The following MIA3 variants were observed in gnomAD, a reference collection of about 807,000 sequenced individuals.
The protein encoded by MIA3 is MIA SH3 domain ER export factor 3.
A neutral mutation model predicts 192.4 loss-of-function variants in MIA3; 90 were observed. The ratio of observed to expected loss-of-function variants is 0.47; its 90% CI spans 0.39 to 0.56. MIA3 has a LOEUF of 0.56. MIA3 is among the 20% of genes least tolerant of loss of function. The pLI, the probability that MIA3 is intolerant of heterozygous loss-of-function variation, is 0.00. For synonymous variants in MIA3, 740 were observed against 792.8 expected (o/e 0.93, Z 1.12); for missense variants, 2,123 against 2,269.4 (o/e 0.94, Z 1.31).
At chr1:222,662,972 G>A (rs1664099437) in intron 26 of MIA3, 1 of 154,020 alleles carries the variant, frequency 6.5e-6, no homozygotes, top group Admixed American at 6.4e-5. Flanking sequence ...TCCCAGCAGT[G>A]TCCTTAAACA....
At chr1:222,637,459 TC>T (rs1163356934) in intron 6 of MIA3, among the ~76,000 whole-genome samples, 1 of 152,206 alleles carries the variant, frequency 6.6e-6, no homozygotes, top group African/African-American at 2.4e-5. Flanking sequence ...AAACTTATGA[TC>T]AAGTATTCTT....
intron 9 of MIA3, 25 bp from the exon 10 acceptor site, chr1:222,650,609 A>G (rs762198258): frequency 6.8e-7 from 1 of 1,466,966 alleles, no homozygotes; most frequent in Non-Finnish European, 9.4e-7. Context: ...ATATTTCTGG[A>G]TTCTGAATGC....
intron 7 of MIA3, chr1:222,648,046 G>T: frequency 8.9e-6 from 2 of 224,948 alleles, no homozygotes; most frequent in East Asian, 1.1e-4. Flanking sequence ...ATATGTTCTG[G>T]GTTGCAAAGA....
intron 6 of MIA3, 82 bp downstream of exon 6, chr1:222,633,331 T>C: frequency 1.7e-6 from 2 of 1,171,172 alleles, no homozygotes; most frequent in Non-Finnish European, 2.4e-6. Context: ...GGTGAAGAAC[T>C]TAAAATGTCT....
At chr1:222,630,789 G>T (rs1192294662) in intron 4 of MIA3, among the ~76,000 whole-genome samples, 1 of 152,154 alleles carries the variant, frequency 6.6e-6, no homozygotes, top group African/African-American at 2.4e-5. Context: ...CAATGCCTTG[G>T]CTAAATTCCT....
intron 6 of MIA3, among the ~76,000 whole-genome samples, chr1:222,638,154 AT>A (rs1317610015): frequency 2.5e-4 from 38 of 152,226 alleles, no homozygotes; most frequent in African/African-American, 8.9e-4. Flanking sequence ...AGCAGAATAC[AT>A]ATTATATACT....
intron 26 of MIA3, chr1:222,663,048 T>C (rs749056655): frequency 2.0e-5 from 3 of 152,282 alleles, no homozygotes; most frequent in Non-Finnish European, 4.4e-5. Flanking sequence ...CCTCTGATCA[T>C]ACCTCACTGT....
At position 222,650,310 on chromosome 1, in the gene MIA3, C is replaced by A; in HGVS notation, c.3650C>A (p.Ser1217Tyr). The A allele has an allele frequency of 6.2e-7, 1 of 1,605,096 alleles. No homozygotes were observed. The highest frequency in any genetic ancestry group is 8.5e-7 in the Non-Finnish European group (1 of 1,173,390). ...RVYQVTEQQI[S>Y]EKLKTIMKEN... Reference sequence around the variant, plus strand: ...TTTTCAGTCACGGAACAGCAAATTTCTGAGAAGTTGAAGACTATCATGAAA... The same window carrying A: ...TTTTCAGTCACGGAACAGCAAATTTATGAGAAGTTGAAGACTATCATGAAA... The change falls in exon 9 of 28, where the codon TCT becomes TAT. Residue 1217 changes from serine (S) to tyrosine (Y), a missense_variant. This residue lies in a region of MIA3 where 762 missense variants were observed against 856.4 expected (regional missense o/e 0.89). Coordinates refer to ENST00000344922, the MANE Select transcript of MIA3 (RefSeq NM_198551.4).
At position 222,629,161 on chromosome 1, in the gene MIA3, G is replaced by A. The variant is rs371576289; in HGVS notation, c.1941G>A (p.Glu647=). 7.4e-6 allele frequency: 12 copies of A among 1,614,040 alleles called. No homozygotes were observed. The highest frequency in any genetic ancestry group is 8.5e-6 in the Non-Finnish European group (10 of 1,180,024). ...EIDLPRELED[E]VPILGRNLPW... ...ATTTGCCCAGAGAACTGGAAGACGAGGTTCCCATTCTGGGAAGAAATCTTC... is the reference window on the plus strand; with the variant it reads ...ATTTGCCCAGAGAACTGGAAGACGAAGTTCCCATTCTGGGAAGAAATCTTC... The change falls in exon 4 of 28, where the codon GAG becomes GAA. Residue 647 remains glutamate (E), a synonymous_variant. Coordinates refer to ENST00000344922, the MANE Select transcript of MIA3 (RefSeq NM_198551.4).
chr1:222,663,211 ATT>A (rs1664112946), intron 26 of MIA3, among the ~76,000 whole-genome samples: 1 of 152,196 alleles, frequency 6.6e-6, no homozygotes, highest in African/African-American at 2.4e-5. Context: ...TGTACATAAC[ATT>A]GTTTCTCTTG....
chr1:222,652,157 G>T (rs1663473766), intron 12 of MIA3, 71 bp from the exon 13 acceptor site: 2 of 1,422,724 alleles, frequency 1.4e-6, no homozygotes, highest in Non-Finnish European at 2.0e-6. Flanking sequence ...ACTACATGAT[G>T]TTGGGTTGGA....
intron 6 of MIA3, among the ~76,000 whole-genome samples, chr1:222,643,525 A>T (rs1322108484): frequency 1.3e-5 from 2 of 151,920 alleles, no homozygotes; most frequent in African/African-American, 2.4e-5. Context: ...TCGAAGAGAG[A>T]CCTTTAAAGG....
intron 1 of MIA3, 29 bp downstream of exon 1, chr1:222,618,272 C>A: frequency 7.3e-7 from 1 of 1,367,860 alleles, no homozygotes; most frequent in East Asian, 3.2e-5. Context: ...CGGCTGGCCT[C>A]GGGGCGGCTG....
intron 6 of MIA3, chr1:222,644,440 C>T (rs1571886683): frequency 1.9e-6 from 3 of 1,550,228 alleles, no homozygotes; most frequent in East Asian, 4.9e-5. Flanking sequence ...TGCCATTCCG[C>T]AGGGAATTGT....
chr1:222,652,113 A>G (rs1207889794), intron 12 of MIA3, 65 bp downstream of exon 12: 1 of 1,321,352 alleles, frequency 7.6e-7, no homozygotes, highest in Non-Finnish European at 1.1e-6. Context: ...CAGAGCAAAA[A>G]TTTGATATAT....
At chr1:222,624,888 T>C in intron 3 of MIA3, 34 bp downstream of exon 3, 1 of 1,286,094 alleles carries the variant, frequency 7.8e-7, no homozygotes, top group South Asian at 1.3e-5. Flanking sequence ...TTCTCAGTTA[T>C]AAGTTGGCTT....
At chr1:222,646,079 C>T (rs1663127010) in intron 7 of MIA3, 1 of 167,840 alleles carries the variant, frequency 6.0e-6, no homozygotes, top group Admixed American at 6.2e-5. Flanking sequence ...TGGTTATATC[C>T]TTTTATATTG....
chr1:222,656,368 G>A (rs1024229532), intron 18 of MIA3, among the ~76,000 whole-genome samples: 2 of 152,116 alleles, frequency 1.3e-5, no homozygotes, highest in Non-Finnish European at 2.9e-5. Flanking sequence ...GCTGGTTCTG[G>A]AATTTCGATA....
At chr1:222,644,374 G>C in intron 6 of MIA3, 1 of 1,513,944 alleles carries the variant, frequency 6.6e-7, no homozygotes, top group Non-Finnish European at 8.9e-7. Flanking sequence ...CCCAGAGTCC[G>C]CCCCCTGAAT....
Sources: allele counts gnomAD v4.1 joint callset (sites outside exome capture counted in the v4.1 genomes callset), GRCh38; gene constraint gnomAD v4.1.1; regional missense constraint gnomAD v4.1.1; transcripts MANE v1.5; gene names NCBI Gene and HGNC (gene_info 2026-07-23, HGNC 2026-07-21).